Variants in OSBPL9 observed in about 807,000 individuals in gnomAD.
The protein encoded by OSBPL9 is oxysterol binding protein like 9.
In OSBPL9, 40 loss-of-function variants were observed where a neutral mutation model predicts 106.6. That is an observed-to-expected ratio of 0.38 (90% confidence interval 0.29 to 0.49). The LOEUF is 0.49. Ranked by LOEUF, OSBPL9 falls within the 20% of genes least tolerant of loss-of-function variation. OSBPL9 has a pLI of 0.97. For synonymous variants in OSBPL9, 269 were observed against 295.4 expected, an observed-to-expected ratio of 0.91 and a Z score of 0.92; for missense variants, 609 against 887.2, an observed-to-expected ratio of 0.69 and a Z score of 3.98.
chr1:51,610,400 A>T (rs890015793), intron 2 of OSBPL9, among the ~76,000 whole-genome samples: 1 of 152,126 alleles, frequency 6.6e-6, no homozygotes, highest in Non-Finnish European at 1.5e-5. Context: ...AGCTGGGATT[A>T]TAGGCGTGCA....
chr1:51,726,538 A>G (rs1400654746), intron 4 of OSBPL9, among the ~76,000 whole-genome samples: 1 of 152,216 alleles, frequency 6.6e-6, no homozygotes, highest in African/African-American at 2.4e-5. Flanking sequence ...TGAAAGTAGT[A>G]CATGAATTCT....
chr1:51,611,148 A>G (rs1234972885), intron 2 of OSBPL9, among the ~76,000 whole-genome samples: 1 of 150,944 alleles, frequency 6.6e-6, no homozygotes, highest in Non-Finnish European at 1.5e-5. Context: ...CTCCTAAAAT[A>G]TTTTCTCTCC....
At chr1:51,716,011 T>C (rs934800920) in intron 4 of OSBPL9, among the ~76,000 whole-genome samples, 4 of 152,236 alleles carry the variant, frequency 2.6e-5, no homozygotes, top group African/African-American at 9.6e-5. Context: ...TCAGCTGATG[T>C]TGACATCATA....
At chr1:51,657,666 A>G (rs1034382035) in intron 2 of OSBPL9, among the ~76,000 whole-genome samples, 7 of 152,220 alleles carry the variant, frequency 4.6e-5, no homozygotes, top group African/African-American at 1.7e-4. Context: ...AGTGTGTGCC[A>G]CTAGACGGTG....
chr1:51,741,438 C>G (rs1666879005), intron 4 of OSBPL9, among the ~76,000 whole-genome samples: 1 of 148,000 alleles, frequency 6.8e-6, no homozygotes. Flanking sequence ...TTCCTTCTCC[C>G]TCTCTCTCCC....
chr1:51,583,319 TC>T (rs1460164960), intron 1 of OSBPL9: 2 of 152,044 alleles, frequency 1.3e-5, no homozygotes, highest in East Asian at 3.9e-4. Context: ...GCTTACTGAG[TC>T]CTTACTATGT....
chr1:51,669,420 T>C lies in OSBPL9; in HGVS notation c.163-14T>C. ...ATTGTTTGCCTTATTGGGATTTTGC[T>C]CTTTGTTTCACAGGGAGCTGTGATT... is the stretch of plus-strand genomic sequence containing the variant. On this transcript the variant is annotated splice_polypyrimidine_tract_variant and intron_variant, in intron 2 of 23. Transcript: ENST00000428468. The C allele has an allele frequency of 6.2e-7, 1 of 1,612,872 alleles. No individual in the cohort carries two copies. The highest frequency in any genetic ancestry group is 1.3e-5 in the African/African-American group (1 of 74,974).
chr1:51,659,885 A>T (rs1489047552), intron 2 of OSBPL9, among the ~76,000 whole-genome samples: 1 of 152,138 alleles, frequency 6.6e-6, no homozygotes, highest in Non-Finnish European at 1.5e-5. Context: ...AGATATTTTT[A>T]AAGAATAAGG....
chr1:51,692,964 C>T (rs1200479263), intron 3 of OSBPL9, among the ~76,000 whole-genome samples: 1 of 152,084 alleles, frequency 6.6e-6, no homozygotes, highest in East Asian at 1.9e-4. Context: ...AGGTTTTAGT[C>T]TATGCTGTTT....
intron 3 of OSBPL9, among the ~76,000 whole-genome samples, chr1:51,683,200 G>A (rs1652982122): frequency 6.6e-6 from 1 of 151,154 alleles, no homozygotes; most frequent in African/African-American, 2.4e-5. Context: ...TTTTTTTTGA[G>A]ATGGAGTTTC....
chr1:51,680,669 C>CA lies in OSBPL9; in HGVS notation c.241+11166dup, dbSNP rs71063048. Among the ~76,000 whole-genome samples, 244 of 148,678 alleles carry CA rather than the reference C, an allele frequency of 1.6e-3. 1 individual carries two copies. In the Middle Eastern group the frequency reaches 0.035, roughly 21 times the overall value. On this transcript the variant is annotated intron_variant, in intron 3 of 23. Coordinates refer to ENST00000428468, the MANE Select transcript of OSBPL9 (RefSeq NM_024586.6). Reference sequence around the variant, plus strand: ...GAGTGAGACCCTGTCTCAAAAAAAACAAAAAAAAACCATGATTTGTAAAAG... The same window carrying CA: ...GAGTGAGACCCTGTCTCAAAAAAAACAAAAAAAAAACCATGATTTGTAAAAG...
At chr1:51,587,134 G>A (rs1033832048) in intron 1 of OSBPL9, among the ~76,000 whole-genome samples, 7 of 152,312 alleles carry the variant, frequency 4.6e-5, no homozygotes, top group African/African-American at 1.4e-4. Flanking sequence ...GGGAGGCCGA[G>A]GTGGACAGAT....
At chr1:51,520,607 C>T in the OSBPL9 span, among the ~76,000 whole-genome samples, 1 of 152,248 alleles carries the variant, frequency 6.6e-6, no homozygotes, top group Non-Finnish European at 1.5e-5. Context: ...TTCTTAGTCA[C>T]GATGGCTTCC....
At chr1:51,785,721 T>G (rs776326492) in intron 20 of OSBPL9, 87 bp from the exon 21 acceptor site, 1 of 1,126,790 alleles carries the variant, frequency 8.9e-7, no homozygotes, top group African/African-American at 1.6e-5. Context: ...TCTTCTGTGC[T>G]CTACTCTGTA....
chr1:51,646,813 G>C (rs1302095727), intron 1 of OSBPL9, among the ~76,000 whole-genome samples: 1 of 152,154 alleles, frequency 6.6e-6, no homozygotes, highest in Non-Finnish European at 1.5e-5. Context: ...GGGATTACAG[G>C]TGTGATCCAT....
the OSBPL9 span, among the ~76,000 whole-genome samples, chr1:51,557,654 A>G: frequency 4.1e-4 from 63 of 152,338 alleles, no homozygotes; most frequent in Non-Finnish European, 7.8e-4. Flanking sequence ...AATAACATGT[A>G]AAGAGTATAG....
intron 8 of OSBPL9, 43 bp from the exon 9 acceptor site, chr1:51,756,276 TA>T: frequency 6.5e-7 from 1 of 1,539,306 alleles, no homozygotes; most frequent in Non-Finnish European, 9.0e-7. Context: ...AGGAGTTACT[TA>T]CATGTAAGAA....
intron 16 of OSBPL9, 107 bp downstream of exon 16, chr1:51,781,442 C>A: frequency 8.8e-7 from 1 of 1,135,282 alleles, no homozygotes. Context: ...AGATGGTCAC[C>A]ACCCATAGAA....
rs1295470031 is a variant in OSBPL9 at position 51,788,083 on chromosome 1, A to G, written c.*294A>G. 7.4e-6 allele frequency: 3 copies of G among 404,084 alleles called. No homozygotes were observed. The highest frequency in any genetic ancestry group is 1.4e-5 in the Non-Finnish European group (3 of 220,002). The allele number at this position is 404,084 out of a possible 1,614,324, so 25.0% of individuals were successfully genotyped here. ...CACGTTGAAAGCATTTATAAATCCA[A>G]GTCTGAAACTCTGCGCTCTAGTACT... On this transcript the variant is annotated 3_prime_UTR_variant, in exon 24 of 24. Coordinates refer to ENST00000428468, the MANE Select transcript of OSBPL9 (RefSeq NM_024586.6).
Sources: allele counts gnomAD v4.1 joint callset (sites outside exome capture counted in the v4.1 genomes callset), GRCh38; gene constraint gnomAD v4.1.1; transcripts MANE v1.5; gene names NCBI Gene and HGNC (gene_info 2026-07-23, HGNC 2026-07-21).